AGPS: variants seen among roughly 807,000 people sequenced by gnomAD.
AGPS encodes the protein alkyldihydroxyacetonephosphate synthase, peroxisomal.
AGPS carries 26 observed loss-of-function variants against 90.7 expected under a neutral mutation model. The observed-to-expected ratio is 0.29, with a 90% CI of 0.21 to 0.40. AGPS has a LOEUF of 0.40. AGPS is among the 10% of genes least tolerant of loss of function. The probability of loss-of-function intolerance (pLI) is 1.00; values close to 1 mark genes in which losing one functional copy is unlikely to be tolerated. For missense variants in AGPS, 540 were observed against 816.1 expected, an observed-to-expected ratio of 0.66 and a Z score of 4.12; for synonymous variants, 294 against 285.3, an observed-to-expected ratio of 1.03 and a Z score of -0.31.
Position 177,499,690 on chromosome 2 carries a change from C to G in AGPS, c.1435C>G (p.Gln479Glu). The G allele has an allele frequency of 6.2e-7, 1 of 1,611,482 alleles. No homozygotes were observed. The highest frequency in any genetic ancestry group is 1.3e-5 in the African/African-American group (1 of 74,740). ...TGAGGGGGATCGTGAGAAGGTTCTTCAACATGAAAAACAAGTGTATGATAT... is the reference window on the plus strand; with the variant it reads ...TGAGGGGGATCGTGAGAAGGTTCTTGAACATGAAAAACAAGTGTATGATAT... The part of the protein sequence containing the change: ...LFEGDREKVL[Q>E]HEKQVYDIAA... Residue 479 changes from glutamine (Q) to glutamate (E), a missense_variant, in exon 14 of 20, where the codon CAA becomes GAA. Coordinates refer to ENST00000264167, the MANE Select transcript of AGPS (RefSeq NM_003659.4).
chr2:177,507,458 A>T (rs1688747398), intron 15 of AGPS, among the ~76,000 whole-genome samples: 1 of 152,216 alleles, frequency 6.6e-6, no homozygotes. Flanking sequence ...CTGTCACTTC[A>T]GATAGCTGCA....
intron 10 of AGPS, among the ~76,000 whole-genome samples, chr2:177,471,624 C>G (rs2105679887): frequency 6.6e-6 from 1 of 152,198 alleles, no homozygotes. Flanking sequence ...TCTTTGTCTA[C>G]AATTAAAGAG....
Position 177,482,166 on chromosome 2 carries a change from T to C in AGPS, c.1213T>C (p.Leu405=), listed in dbSNP as rs1354676959. Residue 405 remains leucine (L), a synonymous_variant, in exon 11 of 20, where the codon TTA becomes CTA. Coordinates refer to ENST00000264167, the MANE Select transcript of AGPS (RefSeq NM_003659.4). ...FPNFEQGVAC[L]REIAKQRCAP... is the part of the protein sequence containing the mutation. Reference sequence around the variant, plus strand: ...TAATTTTGAACAAGGAGTAGCCTGTTTAAGAGAAATTGCAAAACAGGTAAA... The same window carrying C: ...TAATTTTGAACAAGGAGTAGCCTGTCTAAGAGAAATTGCAAAACAGGTAAA... 6.3e-7 allele frequency: 1 copy of C among 1,595,240 alleles called. No individual in the cohort carries two copies. Among genetic ancestry groups the C allele is most frequent in the Admixed American group, 1.7e-5 (1 of 59,546 alleles).
chr2:177,397,297 T>G (rs1685208871), intron 1 of AGPS, among the ~76,000 whole-genome samples: 1 of 152,110 alleles, frequency 6.6e-6, no homozygotes, highest in Admixed American at 6.5e-5. Context: ...CTGAGCAGAG[T>G]ATTGAAGTGA....
chr2:177,428,793 T>TCAAC, intron 2 of AGPS, among the ~76,000 whole-genome samples: 1 of 152,280 alleles, frequency 6.6e-6, no homozygotes, highest in Admixed American at 6.5e-5. Flanking sequence ...TGATTATGTG[T>TCAAC]CTTGGGGTTG....
intron 14 of AGPS, among the ~76,000 whole-genome samples, chr2:177,500,920 T>A (rs1198712356): frequency 6.6e-6 from 1 of 152,152 alleles, no homozygotes; most frequent in East Asian, 1.9e-4. Flanking sequence ...GAAATGTACA[T>A]GTTTTCCTTC....
rs79064339 is a variant in AGPS at position 177,410,386 on chromosome 2, G to A, written c.261-9883G>A. ...ATGTTTGATAGGTGTTCCCTCGGAAGTTAGGAATTCCCTTTCTCTCCATAT... is the reference window on the plus strand; with the variant it reads ...ATGTTTGATAGGTGTTCCCTCGGAAATTAGGAATTCCCTTTCTCTCCATAT... On this transcript the variant is annotated intron_variant, in intron 1 of 19. Coordinates refer to ENST00000264167, the MANE Select transcript of AGPS (RefSeq NM_003659.4). 2.0e-5 allele frequency among the ~76,000 whole-genome samples: 3 copies of A among 152,190 alleles called. No individual in the cohort carries two copies. In the East Asian group the frequency reaches 5.8e-4, roughly 29 times the overall value.
chr2:177,435,489 A>G lies in AGPS; in HGVS notation c.441+1072A>G, dbSNP rs546402008. On this transcript the variant is annotated intron_variant, in intron 3 of 19. Coordinates refer to ENST00000264167, the MANE Select transcript of AGPS (RefSeq NM_003659.4). ...TTCACCAGGTTTTGAGCCCTTTTCA[A>G]TTCTTAATGACTTAAAATATTAATA... 2.0e-5 allele frequency among the ~76,000 whole-genome samples: 3 copies of G among 152,200 alleles called. No homozygotes were observed. In the East Asian group the frequency reaches 5.8e-4, roughly 29 times the overall value.
chr2:177,408,120 G>C (rs1685515465), intron 1 of AGPS, among the ~76,000 whole-genome samples: 1 of 152,174 alleles, frequency 6.6e-6, no homozygotes, highest in Admixed American at 6.5e-5. Flanking sequence ...TTATGCATTA[G>C]GAAGGAAGGT....
intron 19 of AGPS, among the ~76,000 whole-genome samples, chr2:177,536,352 T>G (rs1382820894): frequency 1.3e-5 from 2 of 151,940 alleles, no homozygotes; most frequent in Non-Finnish European, 2.9e-5. Context: ...GCTGCCTCAG[T>G]GTGGGCAGCT....
At chr2:177,521,173 A>C in intron 17 of AGPS, 96 bp from the exon 18 acceptor site, 1 of 1,040,094 alleles carries the variant, frequency 9.6e-7, no homozygotes. Flanking sequence ...TATATCTTAA[A>C]CTAATCATTT....
At chr2:177,409,191 G>T (rs1685550844) in intron 1 of AGPS, among the ~76,000 whole-genome samples, 2 of 150,564 alleles carry the variant, frequency 1.3e-5, no homozygotes, top group Non-Finnish European at 1.5e-5. Context: ...ATTATTTTAA[G>T]TAAAACAAAC....
In AGPS at chr2:177,463,574, G is replaced by T. The variant is rs1687361267; in HGVS notation, c.996+1556G>T. The stretch of plus-strand genomic sequence containing the variant: ...TATTAAATCTTTAATAAAATATATT[G>T]GTTCTTTATAGTTAACACTGAGGAA... On this transcript the variant is annotated intron_variant, in intron 9 of 19. Coordinates refer to ENST00000264167, the MANE Select transcript of AGPS (RefSeq NM_003659.4). 1.3e-5 allele frequency among the ~76,000 whole-genome samples: 2 copies of T among 151,862 alleles called. 1 individual carries two copies. The highest frequency in any genetic ancestry group is 1.3e-4 in the Admixed American group (2 of 15,260).
In AGPS at chr2:177,393,895, C is replaced by T. The variant is rs1685095237; in HGVS notation, c.260+846C>T. ...TGTCACCGTGGATAAATGGATAAACCGAGAGTGAAAAAAATAAGTAGCTAA... is the reference window on the plus strand; with the variant it reads ...TGTCACCGTGGATAAATGGATAAACTGAGAGTGAAAAAAATAAGTAGCTAA... On this transcript the variant is annotated intron_variant, in intron 1 of 19. Coordinates refer to ENST00000264167, the MANE Select transcript of AGPS (RefSeq NM_003659.4). Among the ~76,000 whole-genome samples, 3 of 151,774 alleles carry T rather than the reference C, an allele frequency of 2.0e-5. 1 individual carries two copies. Among genetic ancestry groups the T allele is most frequent in the Admixed American group, 1.3e-4 (2 of 15,258 alleles).
intron 10 of AGPS, 42 bp downstream of exon 10, chr2:177,468,566 G>C: frequency 7.2e-7 from 1 of 1,380,848 alleles, no homozygotes; most frequent in Non-Finnish European, 1.0e-6. Context: ...ATACAGGTTA[G>C]TCATGCAGTT....
intron 10 of AGPS, among the ~76,000 whole-genome samples, chr2:177,474,966 A>T (rs1030405951): frequency 1.3e-5 from 2 of 152,212 alleles, no homozygotes; most frequent in Non-Finnish European, 2.9e-5. Context: ...CTGAATAGAA[A>T]TGTTTTCCTG....
At chr2:177,515,506 C>G (rs116239889) in intron 17 of AGPS, among the ~76,000 whole-genome samples, 38 of 151,666 alleles carry the variant, frequency 2.5e-4, no homozygotes, top group South Asian at 4.2e-4. Context: ...TTCAACATCT[C>G]TTAAGAACCC....
intron 8 of AGPS, 145 bp from the exon 9 acceptor site, chr2:177,461,748 C>CTT (rs56895184): frequency 1.5e-3 from 683 of 467,094 alleles, no homozygotes; most frequent in Admixed American, 3.2e-3. Context: ...ATAAAAGTAT[C>CTT]TTTTTTTTTT....
intron 2 of AGPS, among the ~76,000 whole-genome samples, chr2:177,430,428 C>T (rs1291676878): frequency 6.6e-6 from 1 of 152,132 alleles, no homozygotes; most frequent in African/African-American, 2.4e-5. Flanking sequence ...ACTGTGCGAG[C>T]CTGAGTGACT....
Sources: allele counts gnomAD v4.1 joint callset (sites outside exome capture counted in the v4.1 genomes callset), GRCh38; gene constraint gnomAD v4.1.1; transcripts MANE v1.5; gene names NCBI Gene and HGNC (gene_info 2026-07-23, HGNC 2026-07-21).